Variants in PRR16 observed in about 807,000 individuals in gnomAD.
The protein encoded by PRR16 is proline rich 16.
PRR16 carries 6 observed loss-of-function variants against 18.2 expected under a neutral mutation model. That is an observed-to-expected ratio of 0.33 (90% CI 0.18 to 0.65). The LOEUF is 0.65. Ranked by LOEUF, PRR16 falls within the 30% of genes least tolerant of loss-of-function variation. PRR16 has a pLI of 0.74. For synonymous variants in PRR16, 151 were observed against 147.8 expected, an observed-to-expected ratio of 1.02 and a Z score of -0.16; for missense variants, 412 against 376.6, an observed-to-expected ratio of 1.09 and a Z score of -0.78.
chr5:120,641,715 C>T (rs1324748941), intron 1 of PRR16, among the ~76,000 whole-genome samples: 2 of 152,118 alleles, frequency 1.3e-5, no homozygotes, highest in Non-Finnish European at 2.9e-5. Flanking sequence ...GAAAATGCAA[C>T]TGTTCTCTGA....
chr5:120,609,739 A>G (rs1754274865), intron 1 of PRR16, among the ~76,000 whole-genome samples: 1 of 152,192 alleles, frequency 6.6e-6, no homozygotes, highest in Non-Finnish European at 1.5e-5. Flanking sequence ...AAAGAAAAAT[A>G]AACATGTCAT....
chr5:120,514,475 A>G (rs555503344), intron 1 of PRR16, among the ~76,000 whole-genome samples: 157 of 152,270 alleles, frequency 1.0e-3, no homozygotes, highest in African/African-American at 3.6e-3. Flanking sequence ...TATAAATCCC[A>G]TCTTTAAATT....
At chr5:120,710,942 C>CTT in the PRR16 span, 83 of 149,654 alleles carry the variant, frequency 5.5e-4, no homozygotes, top group African/African-American at 8.8e-4. Flanking sequence ...AGAATCCACT[C>CTT]TTTTTTTTTT....
intron 1 of PRR16, among the ~76,000 whole-genome samples, chr5:120,509,037 G>A (rs1750737558): frequency 6.6e-6 from 1 of 152,062 alleles, no homozygotes; most frequent in Admixed American, 6.6e-5. Context: ...GATGGGACTA[G>A]CTTTCTGTAA....
intron 1 of PRR16, chr5:120,618,438 A>T (rs1754583376): frequency 2.1e-6 from 2 of 960,520 alleles, no homozygotes; most frequent in African/African-American, 1.8e-5. Context: ...CTGTTTTTTA[A>T]CAGTTTGTTA....
At chr5:120,481,298 G>GT (rs1561508290) in intron 1 of PRR16, 2 of 445,150 alleles carry the variant, frequency 4.5e-6, no homozygotes, top group Admixed American at 4.9e-5. Flanking sequence ...GCCTGGGTAA[G>GT]TTTTGTATTT....
the PRR16 span, among the ~76,000 whole-genome samples, chr5:120,746,110 A>T: frequency 6.7e-6 from 1 of 148,594 alleles, no homozygotes; most frequent in African/African-American, 2.5e-5. Context: ...GATTTGTTCA[A>T]TTTTTTCTAA....
At chr5:120,744,134 C>T in the PRR16 span, among the ~76,000 whole-genome samples, 3 of 151,876 alleles carry the variant, frequency 2.0e-5, no homozygotes, top group South Asian at 6.2e-4. Flanking sequence ...TGATTTCAAC[C>T]AGCAAGCAGA....
the PRR16 span, among the ~76,000 whole-genome samples, chr5:120,719,699 CTTTAA>C: frequency 1.3e-5 from 2 of 151,988 alleles, no homozygotes; most frequent in Non-Finnish European, 2.9e-5. Context: ...AAGAGAAAAA[CTTTAA>C]TTTAAATTTT....
chr5:120,578,752 G>A (rs992406065), intron 1 of PRR16, among the ~76,000 whole-genome samples: 2 of 151,992 alleles, frequency 1.3e-5, no homozygotes, highest in African/African-American at 4.8e-5. Flanking sequence ...TATTCCTTTG[G>A]GTATATAGAC....
chr5:120,509,439 C>A (rs1323688396), intron 1 of PRR16, among the ~76,000 whole-genome samples: 2 of 152,072 alleles, frequency 1.3e-5, no homozygotes, highest in East Asian at 3.9e-4. Context: ...TAGTCACATG[C>A]TAGAATGTCT....
intron 1 of PRR16, among the ~76,000 whole-genome samples, chr5:120,524,932 G>T (rs1751301860): frequency 6.6e-6 from 1 of 152,052 alleles, no homozygotes; most frequent in South Asian, 2.1e-4. Flanking sequence ...AATATTAGAA[G>T]AGTATCTTAA....
At chr5:120,696,918 A>G in the PRR16 span, among the ~76,000 whole-genome samples, 1 of 151,710 alleles carries the variant, frequency 6.6e-6, no homozygotes, top group African/African-American at 2.4e-5. Flanking sequence ...ATCTGTTTAA[A>G]TAGTTTATGA....
chr5:120,719,221 A>G, the PRR16 span, among the ~76,000 whole-genome samples: 1 of 152,028 alleles, frequency 6.6e-6, no homozygotes, highest in Non-Finnish European at 1.5e-5. Context: ...ATATTGTTAG[A>G]CTTAATTTTT....
At chr5:120,775,925 G>A in the PRR16 span, among the ~76,000 whole-genome samples, 8,010 of 151,156 alleles carry the variant, frequency 0.053, 253 homozygotes, top group Middle Eastern at 0.15. Context: ...TGAGATTACA[G>A]GTGTGAGCCA....
At chr5:120,793,865 A>G in the PRR16 span, among the ~76,000 whole-genome samples, 2 of 152,170 alleles carry the variant, frequency 1.3e-5, no homozygotes, top group East Asian at 3.9e-4. Context: ...AACCTGTACA[A>G]CAAATTACTG....
chr5:120,519,370 TAA>T (rs373580886), intron 1 of PRR16, among the ~76,000 whole-genome samples: 1 of 152,130 alleles, frequency 6.6e-6, no homozygotes, highest in Non-Finnish European at 1.5e-5. Context: ...AATTACGTAA[TAA>T]AAAGAAGAAT....
intron 1 of PRR16, among the ~76,000 whole-genome samples, chr5:120,650,924 A>C (rs2150131360): frequency 6.6e-6 from 1 of 152,162 alleles, no homozygotes. Flanking sequence ...CAATGGTTGA[A>C]CTAGTTTACA....
chr5:120,738,981 A>T, the PRR16 span, among the ~76,000 whole-genome samples: 1 of 152,184 alleles, frequency 6.6e-6, no homozygotes, highest in Non-Finnish European at 1.5e-5. Flanking sequence ...TATCATTTAC[A>T]TACTACATTT....
Sources: allele counts gnomAD v4.1 joint callset (sites outside exome capture counted in the v4.1 genomes callset), GRCh38; gene constraint gnomAD v4.1.1; transcripts MANE v1.5; gene names NCBI Gene and HGNC (gene_info 2026-07-23, HGNC 2026-07-21).